IGF1R: variants seen among roughly 807,000 people sequenced by gnomAD.
The protein encoded by IGF1R is insulin like growth factor 1 receptor.
Under a neutral mutation model 144.6 loss-of-function variants are expected in IGF1R, and 44 were observed. The ratio of observed to expected loss-of-function variants is 0.30; its 90% CI spans 0.24 to 0.39. IGF1R has a LOEUF of 0.39. Among genes scored for constraint, IGF1R ranks in the 10% least tolerant of loss-of-function variants. The pLI is 1.00. For synonymous variants in IGF1R, 795 were observed against 722.8 expected (o/e 1.10, Z -1.60); for missense variants, 1,355 against 1,833.7 (o/e 0.74, Z 4.77).
At position 98,958,615 on chromosome 15, in the gene IGF1R, C is replaced by A. The variant is rs1270885448; in HGVS notation, c.*1173C>A. ...ATGGGTCTTACAGTTCTATGTTAGA[C>A]CATGAAACATTTGCATACACATCGT... On this transcript the variant is annotated 3_prime_UTR_variant, in exon 21 of 21. Coordinates refer to ENST00000650285, the MANE Select transcript of IGF1R (RefSeq NM_000875.5). 4.3e-6 allele frequency: 1 copy of A among 232,538 alleles called. No homozygotes were observed. The highest frequency in any genetic ancestry group is 6.1e-5 in the East Asian group (1 of 16,466). The allele number at this position is 232,538 out of a possible 1,614,324, so 14.4% of individuals were successfully genotyped here.
chr15:98,886,285 C>T (rs756830752), intron 2 of IGF1R, among the ~76,000 whole-genome samples: 32 of 151,970 alleles, frequency 2.1e-4, no homozygotes, highest in Non-Finnish European at 2.9e-4. Context: ...ACTCTTTTTC[C>T]TCTCCCCCCA....
chr15:98,664,860 T>TAAAAA (rs762378834), intron 1 of IGF1R, among the ~76,000 whole-genome samples: 1 of 146,360 alleles, frequency 6.8e-6, no homozygotes, highest in East Asian at 2.0e-4. Flanking sequence ...TTACTTCCTT[T>TAAAAA]AAAAAAAAAA....
chr15:98,716,488 C>T (rs1230796594), intron 2 of IGF1R, among the ~76,000 whole-genome samples: 5 of 152,120 alleles, frequency 3.3e-5, no homozygotes, highest in Non-Finnish European at 1.5e-5. Context: ...AAGTAGAAAC[C>T]CAAAATCTAG....
At chr15:98,753,444 G>C (rs1039070803) in intron 2 of IGF1R, among the ~76,000 whole-genome samples, 4 of 140,804 alleles carry the variant, frequency 2.8e-5, no homozygotes, top group Non-Finnish European at 4.5e-5. Flanking sequence ...TGTTGCCCAG[G>C]CTTGTCTCGA....
intron 2 of IGF1R, among the ~76,000 whole-genome samples, chr15:98,846,103 CTT>C (rs1263803264): frequency 6.6e-6 from 1 of 152,204 alleles, no homozygotes; most frequent in Non-Finnish European, 1.5e-5. Flanking sequence ...AGGAAAGACA[CTT>C]TTCTTTGACT....
Position 98,964,232 on chromosome 15 carries a change from AAAAG to A in IGF1R, c.*6791_*6794del, listed in dbSNP as rs1340101524. The A allele has an allele frequency of 8.6e-6, 2 of 232,694 alleles. No individual in the cohort carries two copies. The highest frequency in any genetic ancestry group is 2.2e-5 in the African/African-American group (1 of 45,282). The allele number at this position is 232,694 out of a possible 1,614,324, so 14.4% of individuals were successfully genotyped here. On this transcript the variant is annotated 3_prime_UTR_variant, in exon 21 of 21. Transcript: ENST00000650285. Reference sequence around the variant, plus strand: ...AAAAAATTTTTTTAAGTAAGAAAAAAAAAGGTAATAACATGGCCAATTTGTTACA... The same window carrying A: ...AAAAAATTTTTTTAAGTAAGAAAAAAGTAATAACATGGCCAATTTGTTACA...
chr15:98,681,314 G>A (rs1006611092), intron 1 of IGF1R, among the ~76,000 whole-genome samples: 9 of 152,106 alleles, frequency 5.9e-5, no homozygotes, highest in African/African-American at 1.9e-4. Flanking sequence ...CATACACCTC[G>A]TTGTTCAGTT....
At chr15:98,712,331 A>G (rs2054011950) in intron 2 of IGF1R, among the ~76,000 whole-genome samples, 1 of 152,058 alleles carries the variant, frequency 6.6e-6, no homozygotes, top group Non-Finnish European at 1.5e-5. Context: ...ACAGCCTCTG[A>G]TGGTCTTCCC....
intron 10 of IGF1R, among the ~76,000 whole-genome samples, chr15:98,921,162 T>C (rs1170146162): frequency 6.6e-6 from 1 of 152,216 alleles, no homozygotes; most frequent in Non-Finnish European, 1.5e-5. Context: ...TTTCTCACCA[T>C]TCGTCCATGG....
chr15:98,710,142 T>A (rs1250351128), intron 2 of IGF1R, among the ~76,000 whole-genome samples: 1 of 152,232 alleles, frequency 6.6e-6, no homozygotes, highest in East Asian at 1.9e-4. Flanking sequence ...AGGTGGGCTC[T>A]GCTGGTGACA....
intron 1 of IGF1R, among the ~76,000 whole-genome samples, chr15:98,690,631 A>G (rs911412395): frequency 8.5e-5 from 13 of 152,234 alleles, no homozygotes; most frequent in Non-Finnish European, 1.2e-4. Flanking sequence ...ATGTGAATGT[A>G]TGTTTCTTAT....
chr15:98,929,797 C>A, intron 14 of IGF1R, 137 bp downstream of exon 14: 1 of 732,652 alleles, frequency 1.4e-6, no homozygotes, highest in East Asian at 2.7e-5. Context: ...ATCAAATGTT[C>A]TTCCAGGAAA....
chr15:98,920,167 G>A (rs1039608454), intron 10 of IGF1R, among the ~76,000 whole-genome samples: 6 of 152,200 alleles, frequency 3.9e-5, no homozygotes, highest in Non-Finnish European at 8.8e-5. Context: ...ATGGGATGGA[G>A]TGGGGAAAGT....
chr15:98,919,189 C>T (rs985723620), intron 10 of IGF1R, among the ~76,000 whole-genome samples: 17 of 152,166 alleles, frequency 1.1e-4, no homozygotes, highest in Non-Finnish European at 1.5e-5. Context: ...GTCCTCATTC[C>T]CACACACCGA....
chr15:98,814,324 G>A (rs181077994), intron 2 of IGF1R, among the ~76,000 whole-genome samples: 14 of 152,068 alleles, frequency 9.2e-5, no homozygotes, highest in African/African-American at 2.9e-4. Flanking sequence ...CACTGCTTTC[G>A]GTGCCCTTAT....
intron 1 of IGF1R, among the ~76,000 whole-genome samples, chr15:98,687,538 G>C (rs979005925): frequency 6.6e-6 from 1 of 152,218 alleles, no homozygotes; most frequent in Non-Finnish European, 1.5e-5. Flanking sequence ...GAAGGCACAG[G>C]GAGGTTTTGA....
At chr15:98,664,510 T>C (rs2052679992) in intron 1 of IGF1R, among the ~76,000 whole-genome samples, 1 of 151,572 alleles carries the variant, frequency 6.6e-6, no homozygotes, top group African/African-American at 2.4e-5. Context: ...ACTAAAAATA[T>C]AAAAATTAGC....
intron 2 of IGF1R, among the ~76,000 whole-genome samples, chr15:98,782,409 A>G (rs1293495831): frequency 1.3e-5 from 2 of 152,116 alleles, no homozygotes; most frequent in Admixed American, 6.5e-5. Flanking sequence ...CCCCTTCCCC[A>G]TGAAGTCTTC....
intron 2 of IGF1R, among the ~76,000 whole-genome samples, chr15:98,796,919 T>G (rs954697274): frequency 6.6e-6 from 1 of 152,214 alleles, no homozygotes; most frequent in Non-Finnish European, 1.5e-5. Context: ...CGACTCCTGT[T>G]GGCTTGTGGA....
Sources: gnomAD v4.1 joint callset for allele counts (sites outside exome capture counted in the v4.1 genomes callset) on GRCh38, gnomAD v4.1.1 for gene constraint, MANE v1.5 for transcripts, NCBI Gene and HGNC (gene_info 2026-07-23, HGNC 2026-07-21) for gene names.